PSMB2: variants seen among roughly 807,000 people sequenced by gnomAD.
PSMB2 encodes the protein proteasome subunit beta type-2.
Under a neutral mutation model 25.7 loss-of-function variants are expected in PSMB2, and 13 were observed. The ratio of observed to expected loss-of-function variants is 0.51; its 90% CI spans 0.33 to 0.80. PSMB2 has a LOEUF of 0.80. Among genes scored for constraint, PSMB2 ranks in the 30% least tolerant of loss-of-function variants. PSMB2 has a pLI of 0.02. For missense variants in PSMB2, 202 were observed against 259.0 expected (o/e 0.78, Z 1.51); for synonymous variants, 87 against 96.2 (o/e 0.90, Z 0.56).
intron 3 of PSMB2, among the ~76,000 whole-genome samples, chr1:35,621,028 AT>A (rs1247806585): frequency 6.6e-6 from 1 of 151,946 alleles, no homozygotes; most frequent in African/African-American, 2.4e-5. Context: ...ATATATTTAT[AT>A]TTGTTTTTAA....
chr1:35,622,113 A>G (rs1184899570), intron 3 of PSMB2, among the ~76,000 whole-genome samples: 1 of 152,222 alleles, frequency 6.6e-6, no homozygotes, highest in African/African-American at 2.4e-5. Flanking sequence ...CCCTTGTGAA[A>G]AGCCTTCCCA....
intron 4 of PSMB2, among the ~76,000 whole-genome samples, chr1:35,606,342 A>G (rs1345022273): frequency 3.9e-5 from 6 of 152,226 alleles, no homozygotes; most frequent in Non-Finnish European, 8.8e-5. Context: ...TGATAAATGA[A>G]TTCCATAAAG....
chr1:35,633,066 A>G lies in PSMB2; in HGVS notation c.215-1722T>C, dbSNP rs184054844. Among the ~76,000 whole-genome samples the G allele has an allele frequency of 3.3e-3, 506 of 151,916 alleles. 3 individuals are homozygous for G. Among genetic ancestry groups the G allele is most frequent in the African/African-American group, 0.012 (488 of 41,432 alleles). On this transcript the variant is annotated intron_variant, in intron 2 of 5. Transcript: ENST00000373237. ...GAAACTCTGTCTCTACTTAAAATACAAAAAATTAGCCAGGCATGGCGGTGC... is the reference window on the plus strand; with the variant it reads ...GAAACTCTGTCTCTACTTAAAATACGAAAAATTAGCCAGGCATGGCGGTGC...
Position 35,641,299 on chromosome 1 carries a change from C to G in PSMB2, c.91+43G>C, listed in dbSNP as rs59249423. On this transcript the variant is annotated intron_variant, in intron 1 of 5. Transcript: ENST00000373237. ...CCCCGACAAACTCCTTCTGGCCGCT[C>G]CTACACCCCAGGCCTGGCCGGGCCT... The G allele has an allele frequency of 5.6e-6, 9 of 1,612,610 alleles. No homozygotes were observed. In the African/African-American group the frequency reaches 1.2e-4, roughly 21 times the overall value.
At chr1:35,624,578 C>T (rs1308366718) in intron 3 of PSMB2, among the ~76,000 whole-genome samples, 1 of 151,718 alleles carries the variant, frequency 6.6e-6, no homozygotes, top group African/African-American at 2.4e-5. Flanking sequence ...CATGGTGAAA[C>T]CCCGTCTCTA....
chr1:35,638,450 G>A (rs756675206), intron 1 of PSMB2, among the ~76,000 whole-genome samples: 29 of 152,134 alleles, frequency 1.9e-4, no homozygotes, highest in African/African-American at 6.8e-4. Context: ...TCTGAACTTC[G>A]GCAAATTACT....
At chr1:35,628,633 T>TATATATGTATATA (rs1557456684) in intron 3 of PSMB2, among the ~76,000 whole-genome samples, 7 of 46,984 alleles carry the variant, frequency 1.5e-4, no homozygotes, top group African/African-American at 5.8e-4. Flanking sequence ...ATATATATAT[T>TATATATGTATATA]TTTTTTTTTT....
rs1650127938 is a variant in PSMB2, at chr1:35,605,221, G to A, written c.498+12C>T. 1 of 1,604,490 alleles carries A rather than the reference G, an allele frequency of 6.2e-7. No homozygotes were observed. Among genetic ancestry groups the A allele is most frequent in the African/African-American group, 1.3e-5 (1 of 74,588 alleles). On this transcript the variant is annotated intron_variant, in intron 5 of 5. Transcript: ENST00000373237. Reference sequence around the variant, plus strand: ...CAAACATTCCTTTCAGGATCCTATGGGAACTACTCACCTCCTCCAGACATT... The same window carrying A: ...CAAACATTCCTTTCAGGATCCTATGAGAACTACTCACCTCCTCCAGACATT...
intron 2 of PSMB2, 196 bp from the exon 3 acceptor site, chr1:35,631,540 C>T: frequency 1.4e-6 from 2 of 1,381,786 alleles, no homozygotes; most frequent in Non-Finnish European, 1.9e-6. Flanking sequence ...TTAGTACTGA[C>T]AGCAATTCTT....
chr1:35,615,721 C>T (rs575310181), intron 3 of PSMB2, among the ~76,000 whole-genome samples: 2 of 152,268 alleles, frequency 1.3e-5, no homozygotes, highest in South Asian at 4.1e-4. Flanking sequence ...GGAGCCAGGC[C>T]AGCCTTTGCC....
In PSMB2 at chr1:35,634,332, T is replaced by G. The variant is rs1571142269; in HGVS notation, c.214+1978A>C. Among the ~76,000 whole-genome samples, 4 of 152,322 alleles carry G rather than the reference T, an allele frequency of 2.6e-5. No individual in the cohort carries two copies. In the East Asian group the frequency reaches 7.7e-4, roughly 29 times the overall value. On this transcript the variant is annotated intron_variant, in intron 2 of 5. Coordinates refer to ENST00000373237, the MANE Select transcript of PSMB2 (RefSeq NM_002794.5). ...AAATGACTTATCACATAAAAAATAG[T>G]AAAGCCAAGGTTTACTTAGGTTTTT...
intron 1 of PSMB2, among the ~76,000 whole-genome samples, chr1:35,637,430 A>G (rs1482326976): frequency 6.6e-6 from 1 of 152,238 alleles, no homozygotes; most frequent in Non-Finnish European, 1.5e-5. Flanking sequence ...AGTCATTCAG[A>G]TTAGACAGAT....
intron 3 of PSMB2, among the ~76,000 whole-genome samples, chr1:35,630,256 G>C (rs146535558): frequency 6.6e-6 from 1 of 152,110 alleles, no homozygotes; most frequent in Non-Finnish European, 1.5e-5. Context: ...TTCAGTCACA[G>C]GTATTAAGTA....
intron 3 of PSMB2, among the ~76,000 whole-genome samples, chr1:35,620,725 CA>C (rs371156135): frequency 3.6e-5 from 5 of 140,160 alleles, no homozygotes; most frequent in Non-Finnish European, 1.5e-5. Flanking sequence ...AAGACTGTCT[CA>C]AAAAAAAAAC....
chr1:35,611,377 C>G (rs552004356), intron 3 of PSMB2, among the ~76,000 whole-genome samples: 1 of 152,134 alleles, frequency 6.6e-6, no homozygotes, highest in African/African-American at 2.4e-5. Context: ...GGCTTTTGTT[C>G]TGTCGCCCAG....
chr1:35,601,739 A>C lies in PSMB2; in HGVS notation c.*1528T>G. On this transcript the variant is annotated 3_prime_UTR_variant, in exon 6 of 6. Coordinates refer to ENST00000373237, the MANE Select transcript of PSMB2 (RefSeq NM_002794.5). ...TAGGGTTTATCTTAGTCGGAGACCAAATGGTTTTGATATGTGGTTCCTAGA... is the reference window on the plus strand; with the variant it reads ...TAGGGTTTATCTTAGTCGGAGACCACATGGTTTTGATATGTGGTTCCTAGA... 1.1e-5 allele frequency: 11 copies of C among 985,440 alleles called. No individual in the cohort carries two copies. Among genetic ancestry groups the C allele is most frequent in the Non-Finnish European group, 1.3e-5 (11 of 829,932 alleles). The allele number at this position is 985,440 out of a possible 1,614,324, so 61.0% of individuals were successfully genotyped here.
intron 3 of PSMB2, among the ~76,000 whole-genome samples, chr1:35,611,082 GCT>G (rs1382419281): frequency 6.6e-6 from 1 of 152,058 alleles, no homozygotes; most frequent in Non-Finnish European, 1.5e-5. Context: ...ATTTTATATG[GCT>G]TTCTTTTTCT....
chr1:35,628,627 A>ATTTTTTTTT (rs1250841351), intron 3 of PSMB2, among the ~76,000 whole-genome samples: 1 of 42,956 alleles, frequency 2.3e-5, no homozygotes, highest in Admixed American at 4.3e-4. Flanking sequence ...ATATATATAT[A>ATTTTTTTTT]TATATTTTTT....
chr1:35,625,899 T>C (rs112194496), intron 3 of PSMB2, among the ~76,000 whole-genome samples: 5,864 of 152,048 alleles, frequency 0.039, 355 homozygotes, highest in African/African-American at 0.12. Flanking sequence ...TGCAGTGGCA[T>C]GATCTCAGCT....
Sources: gnomAD v4.1 joint callset for allele counts (sites outside exome capture counted in the v4.1 genomes callset) on GRCh38, gnomAD v4.1.1 for gene constraint, MANE v1.5 for transcripts, NCBI Gene and HGNC (gene_info 2026-07-23, HGNC 2026-07-21) for gene names.